The following TMEM131L variants were observed in gnomAD, a reference collection of about 807,000 sequenced individuals.
TMEM131L encodes transmembrane 131 like.
In TMEM131L, 54 loss-of-function variants were observed where a neutral mutation model predicts 192.2. The observed-to-expected ratio is 0.28, with a 90% CI of 0.23 to 0.35. TMEM131L has a LOEUF of 0.35. TMEM131L is among the 10% of genes least tolerant of loss of function. The pLI, the probability that TMEM131L is intolerant of heterozygous loss-of-function variation, is 1.00. For synonymous variants in TMEM131L, 701 were observed against 704.9 expected (o/e 0.99, Z 0.09); for missense variants, 1,888 against 1,972.9 (o/e 0.96, Z 0.82).
rs554207851 is a variant in TMEM131L at position 153,612,407 on chromosome 4, AT to A, written c.3567+15del. The A allele has an allele frequency of 1.6e-5, 25 of 1,574,430 alleles. No homozygotes were observed. The highest frequency in any genetic ancestry group is 8.7e-5 in the South Asian group (7 of 80,254). On this transcript the variant is annotated splice_region_variant and intron_variant, in intron 26 of 34. Transcript: ENST00000409959. ...GGACATACCTTTCGTAGAGGTCTGT[AT>A]TTTTTTTCTTGCCTATTAAAAACAA...
At chr4:153,552,833 C>CA (rs1737725925) in intron 4 of TMEM131L, among the ~76,000 whole-genome samples, 1 of 149,638 alleles carries the variant, frequency 6.7e-6, no homozygotes. Flanking sequence ...GACCTTGTCT[C>CA]AAAAAAACAA....
At chr4:153,471,887 G>A (rs917158655) in intron 2 of TMEM131L, among the ~76,000 whole-genome samples, 6 of 152,182 alleles carry the variant, frequency 3.9e-5, no homozygotes, top group South Asian at 2.1e-4. Flanking sequence ...TTATTTTCCC[G>A]CATCTTAAGT....
At chr4:153,480,401 T>C (rs1270926153) in intron 3 of TMEM131L, among the ~76,000 whole-genome samples, 2 of 150,714 alleles carry the variant, frequency 1.3e-5, no homozygotes, top group East Asian at 2.0e-4. Context: ...GAGCCTGTAG[T>C]CCCAGCTACT....
At position 153,558,257 on chromosome 4, in the gene TMEM131L, G is replaced by C. The variant is rs1254527714; in HGVS notation, c.550-1G>C. 6.6e-7 allele frequency: 1 copy of C among 1,519,502 alleles called. No homozygotes were observed. The highest frequency in any genetic ancestry group is 2.3e-5 in the East Asian group (1 of 44,010). 94.1% of individuals were successfully genotyped at this position (1,519,502 alleles called of 1,614,324 possible). On this transcript the variant is annotated splice_acceptor_variant, in intron 6 of 34. Coordinates refer to ENST00000409959, the MANE Select transcript of TMEM131L (RefSeq NM_001131007.2). LOFTEE classifies it high-confidence loss of function. ...GAGCAATTCTCTCTCTTTTTCCGCA[G>C]GTATCTGGAATTGGCACTCGTAGAA...
chr4:153,622,926 A>G lies in TMEM131L; in HGVS notation c.3888A>G (p.Lys1296=). 2.5e-6 allele frequency: 4 copies of G among 1,614,210 alleles called. No individual in the cohort carries two copies. Among genetic ancestry groups the G allele is most frequent in the South Asian group, 1.1e-5 (1 of 91,088 alleles). The change falls in exon 29 of 35, where the codon AAA becomes AAG. Residue 1296 remains lysine, a synonymous_variant. Coordinates refer to ENST00000409959, the MANE Select transcript of TMEM131L (RefSeq NM_001131007.2). ...GTTACTACCAGAAGCCTGAGAAGAA[A>G]TGTGTGGACAAGTTCTGCTCCGATT... is the stretch of plus-strand genomic sequence containing the variant. ...AEGYYQKPEK[K]CVDKFCSDSS... is the part of the protein sequence containing the mutation.
Position 153,635,575 on chromosome 4 carries a change from A to C in TMEM131L, c.4557+4A>C. ...TGCCAGTTTCATCAGCTCTCCGGTC[A>C]GTGTTGCCCATCCTGTGCCGTGAAC... On this transcript the variant is annotated splice_donor_region_variant and intron_variant, in intron 34 of 34. Coordinates refer to ENST00000409959, the MANE Select transcript of TMEM131L (RefSeq NM_001131007.2). The C allele has an allele frequency of 1.2e-6, 2 of 1,614,090 alleles. No homozygotes were observed. Among genetic ancestry groups the C allele is most frequent in the Non-Finnish European group, 1.7e-6 (2 of 1,179,974 alleles).
intron 7 of TMEM131L, among the ~76,000 whole-genome samples, chr4:153,560,620 TTC>T (rs978409813): frequency 6.6e-6 from 1 of 152,220 alleles, no homozygotes; most frequent in African/African-American, 2.4e-5. Flanking sequence ...GTCTCTTACT[TTC>T]TGTCTCTAAA....
At chr4:153,631,668 G>A (rs1734218362) in intron 31 of TMEM131L, among the ~76,000 whole-genome samples, 1 of 152,208 alleles carries the variant, frequency 6.6e-6, no homozygotes, top group South Asian at 2.1e-4. Flanking sequence ...TGGCAGAAAT[G>A]GGAGAGATCC....
chr4:153,501,943 GTTTT>G (rs575832226), intron 3 of TMEM131L, among the ~76,000 whole-genome samples: 2 of 117,394 alleles, frequency 1.7e-5, no homozygotes, highest in African/African-American at 3.6e-5. Context: ...CCCCCAAAGG[GTTTT>G]TTTTTTTTTT....
intron 3 of TMEM131L, among the ~76,000 whole-genome samples, chr4:153,538,867 G>A (rs1398229261): frequency 6.6e-6 from 1 of 152,212 alleles, no homozygotes; most frequent in Admixed American, 6.5e-5. Context: ...CCTACTCGTG[G>A]GACAAGGTGG....
chr4:153,610,075 A>G (rs1448374079), intron 25 of TMEM131L, among the ~76,000 whole-genome samples: 2 of 152,222 alleles, frequency 1.3e-5, no homozygotes, highest in African/African-American at 4.8e-5. Context: ...ATGGAGGGTA[A>G]TGATGATTCC....
chr4:153,545,213 T>G (rs530470684), intron 3 of TMEM131L, among the ~76,000 whole-genome samples: 125 of 152,266 alleles, frequency 8.2e-4, no homozygotes, highest in African/African-American at 1.4e-3. Context: ...CACATTGGCG[T>G]TCACGTCACA....
At chr4:153,510,886 C>CA (rs751487144) in intron 3 of TMEM131L, among the ~76,000 whole-genome samples, 2,244 of 122,214 alleles carry the variant, frequency 0.018, 69 homozygotes, top group East Asian at 0.13. Flanking sequence ...GACCCTGTCT[C>CA]AAAAAAAAAA....
chr4:153,603,415 A>G lies in TMEM131L; in HGVS notation c.2752A>G (p.Asn918Asp). ...TGCTAGCTCCTCTTCACAGCAAAACAATGGTCCTATGGATGTAATCAGCCC... is the reference window on the plus strand; with the variant it reads ...TGCTAGCTCCTCTTCACAGCAAAACGATGGTCCTATGGATGTAATCAGCCC... The part of the protein sequence containing the change: ...QNASSSSQQN[N>D]GPMDVISPHS... Residue 918 changes from asparagine (N) to aspartate (D), a missense_variant, in exon 24 of 35, where the codon AAT becomes GAT. Physicochemically the swap from Asn to Asp is conservative, Grantham distance 23. Transcript: ENST00000409959. 6.2e-7 allele frequency: 1 copy of G among 1,614,102 alleles called. No homozygotes were observed. The highest frequency in any genetic ancestry group is 8.5e-7 in the Non-Finnish European group (1 of 1,179,980).
At chr4:153,548,257 G>A (rs1471471422) in intron 3 of TMEM131L, among the ~76,000 whole-genome samples, 1 of 152,192 alleles carries the variant, frequency 6.6e-6, no homozygotes, top group African/African-American at 2.4e-5. Context: ...AGATTGACAA[G>A]AATTAGGCAG....
At chr4:153,548,851 C>T (rs1430187947) in intron 3 of TMEM131L, among the ~76,000 whole-genome samples, 1 of 152,058 alleles carries the variant, frequency 6.6e-6, no homozygotes, top group Admixed American at 6.6e-5. Context: ...GTCACAAAGC[C>T]TGTTGGCCAG....
At chr4:153,567,224 G>GA (rs1340359212) in intron 7 of TMEM131L, among the ~76,000 whole-genome samples, 1 of 152,270 alleles carries the variant, frequency 6.6e-6, no homozygotes, top group East Asian at 1.9e-4. Flanking sequence ...TTTGAAGATG[G>GA]AAAAAGAGAT....
rs1177255196 is a variant in TMEM131L at position 153,563,456 on chromosome 4, C to CTTTTTT, written c.660+5112_660+5117dup. Among the ~76,000 whole-genome samples the CTTTTTT allele has an allele frequency of 6.6e-4, 58 of 88,210 alleles. 7 individuals are homozygous for CTTTTTT. Among genetic ancestry groups the CTTTTTT allele is most frequent in the African/African-American group, 1.6e-3 (34 of 21,530 alleles). 57.9% of individuals were successfully genotyped at this position (88,210 alleles called of 152,430 possible). A position where few individuals can be genotyped will look rare whatever the true frequency, so the allele number is the denominator to read the frequency against. On this transcript the variant is annotated intron_variant, in intron 7 of 34. Coordinates refer to ENST00000409959, the MANE Select transcript of TMEM131L (RefSeq NM_001131007.2). ...AGCAGTGAGAAAACGGATATGTACC[C>CTTTTTT]TTTTTTTTTTTTTTTTTTTTTTTTT...
At chr4:153,576,288 T>G (rs758972957) in intron 7 of TMEM131L, among the ~76,000 whole-genome samples, 1 of 152,176 alleles carries the variant, frequency 6.6e-6, no homozygotes, top group Non-Finnish European at 1.5e-5. Flanking sequence ...GAGAAAGATA[T>G]GGACTTGAAA....
Sources: allele counts gnomAD v4.1 joint callset (sites outside exome capture counted in the v4.1 genomes callset), GRCh38; gene constraint gnomAD v4.1.1; transcripts MANE v1.5; gene names NCBI Gene and HGNC (gene_info 2026-07-23, HGNC 2026-07-21).